RIC1: variants seen among roughly 807,000 people sequenced by gnomAD.
RIC1 encodes RIC1 partner of RAB6A GEF complex.
In RIC1, 88 loss-of-function variants were observed where a neutral mutation model predicts 169.0. That is an observed-to-expected ratio of 0.52 (90% CI 0.44 to 0.62). The LOEUF (loss-of-function observed/expected upper bound fraction) is 0.62. RIC1 is among the 20% of genes least tolerant of loss of function. RIC1 has a pLI of 0.00. For missense variants in RIC1, 1,877 were observed against 1,725.5 expected (o/e 1.09, Z -1.56); for synonymous variants, 790 against 601.5 (o/e 1.31, Z -4.59).
At chr9:5,707,061 T>A (rs1408227367) in intron 3 of RIC1, among the ~76,000 whole-genome samples, 1 of 152,184 alleles carries the variant, frequency 6.6e-6, no homozygotes, top group Non-Finnish European at 1.5e-5. Context: ...GAGGACTTCA[T>A]TCACTGTATC....
intron 6 of RIC1, among the ~76,000 whole-genome samples, chr9:5,723,024 CGT>C (rs1287801964): frequency 1.3e-5 from 2 of 152,164 alleles, no homozygotes; most frequent in African/African-American, 4.8e-5. Flanking sequence ...CATACATGTG[CGT>C]GTGTCTTTAT....
intron 3 of RIC1, among the ~76,000 whole-genome samples, chr9:5,694,848 C>CA (rs1821796690): frequency 1.3e-5 from 2 of 148,244 alleles, no homozygotes; most frequent in Non-Finnish European, 3.0e-5. Flanking sequence ...CTACGTCTTT[C>CA]AAAAAACTCT....
At chr9:5,669,319 G>A (rs1025887373) in intron 2 of RIC1, among the ~76,000 whole-genome samples, 8 of 152,120 alleles carry the variant, frequency 5.3e-5, no homozygotes, top group African/African-American at 1.9e-4. Context: ...AAAGTCCATT[G>A]TATCATTATT....
chr9:5,631,493 C>T (rs938976815), intron 1 of RIC1, among the ~76,000 whole-genome samples: 2 of 152,010 alleles, frequency 1.3e-5, no homozygotes, highest in African/African-American at 4.8e-5. Flanking sequence ...CGAGACCATC[C>T]TGGCCAACAT....
intron 2 of RIC1, among the ~76,000 whole-genome samples, chr9:5,672,772 A>AT (rs1820188134): frequency 6.6e-6 from 1 of 152,200 alleles, no homozygotes; most frequent in South Asian, 2.1e-4. Context: ...AAAAACGTAC[A>AT]TATCTAGAGA....
intron 17 of RIC1, among the ~76,000 whole-genome samples, chr9:5,759,806 A>G: frequency 6.6e-6 from 1 of 152,250 alleles, no homozygotes; most frequent in East Asian, 1.9e-4. Flanking sequence ...GATGGAGCAC[A>G]TAAGGCAAAA....
intron 6 of RIC1, among the ~76,000 whole-genome samples, chr9:5,731,533 T>C (rs1043502240): frequency 2.0e-5 from 3 of 152,148 alleles, no homozygotes; most frequent in African/African-American, 7.2e-5. Context: ...TGCTATATTA[T>C]AGTGTGCCAC....
At chr9:5,651,860 A>C in intron 1 of RIC1, among the ~76,000 whole-genome samples, 1 of 152,018 alleles carries the variant, frequency 6.6e-6, no homozygotes, top group East Asian at 1.9e-4. Context: ...GAGCCACCGC[A>C]CCTAGCCTCT....
chr9:5,653,235 C>G (rs10815256), intron 1 of RIC1, among the ~76,000 whole-genome samples: 44,286 of 151,890 alleles, frequency 0.29, 7,696 homozygotes, highest in East Asian at 0.59. Flanking sequence ...GATCAGTTGG[C>G]ATATATTTGT....
intron 6 of RIC1, among the ~76,000 whole-genome samples, chr9:5,724,031 T>G (rs1196899736): frequency 6.6e-6 from 1 of 152,080 alleles, no homozygotes; most frequent in Admixed American, 6.5e-5. Context: ...AGGATTGTCT[T>G]CGCAATGCAG....
In RIC1 at chr9:5,713,942, T is replaced by A; in HGVS notation, c.379T>A (p.Cys127Ser). The A allele has an allele frequency of 6.2e-7, 1 of 1,613,322 alleles. No individual in the cohort carries two copies. Among genetic ancestry groups the A allele is most frequent in the Non-Finnish European group, 8.5e-7 (1 of 1,179,470 alleles). The change falls in exon 4 of 26, where the codon TGT becomes AGT. Residue 127 changes from cysteine (C) to serine (S), a missense_variant. This residue lies in a region of RIC1 where 1,104 missense variants were observed against 992.0 expected (regional missense o/e 1.11). Coordinates refer to ENST00000414202, the MANE Select transcript of RIC1 (RefSeq NM_020829.4). ...GACACCCCATTTTAAGGAAGAACAG[T>A]GTGCTCCAGCATTAAATTTGGAGAT... ...KGTPHFKEEQ[C>S]APALNLEMRK...
Position 5,763,971 on chromosome 9 carries a change from A to T in RIC1, c.2841+103A>T. 7.6e-7 allele frequency: 1 copy of T among 1,312,902 alleles called. No homozygotes were observed. Among genetic ancestry groups the T allele is most frequent in the Non-Finnish European group, 1.0e-6 (1 of 958,876 alleles). 81.3% of individuals were successfully genotyped at this position (1,312,902 alleles called of 1,614,324 possible). A position where few individuals can be genotyped will look rare whatever the true frequency, so the allele number is the denominator to read the frequency against. On this transcript the variant is annotated intron_variant, in intron 19 of 25. Transcript: ENST00000414202. This position sits in a 1 kb window ranked among gnomAD's most constrained non-coding sequence, Gnocchi z 5.2. ...CCATGATTGTGTTTAAGGAATTCATAGTCAAATTTTCTGTTTATATCTTTA... is the reference window on the plus strand; with the variant it reads ...CCATGATTGTGTTTAAGGAATTCATTGTCAAATTTTCTGTTTATATCTTTA...
chr9:5,777,684 AAG>A (rs1245937017), downstream of RIC1, among the ~76,000 whole-genome samples: 1 of 152,162 alleles, frequency 6.6e-6, no homozygotes, highest in Non-Finnish European at 1.5e-5. Flanking sequence ...TATGATATGA[AAG>A]AGAGATCTGA....
At chr9:5,639,843 T>G (rs1246577787) in intron 1 of RIC1, among the ~76,000 whole-genome samples, 1 of 152,242 alleles carries the variant, frequency 6.6e-6, no homozygotes. Context: ...ATTCTTTGTC[T>G]CACAATTTTT....
At chr9:5,691,541 C>G (rs1283622950) in intron 3 of RIC1, among the ~76,000 whole-genome samples, 1 of 151,754 alleles carries the variant, frequency 6.6e-6, no homozygotes, top group African/African-American at 2.4e-5. Context: ...ATTTTTGACA[C>G]ATAAATATAG....
At chr9:5,698,728 C>T (rs1415076531) in intron 3 of RIC1, among the ~76,000 whole-genome samples, 1 of 152,132 alleles carries the variant, frequency 6.6e-6, no homozygotes, top group African/African-American at 2.4e-5. Flanking sequence ...GCTTTCTGTG[C>T]TGTGTGTCTA....
chr9:5,680,980 C>T (rs967882294), intron 2 of RIC1, among the ~76,000 whole-genome samples: 17 of 150,458 alleles, frequency 1.1e-4, no homozygotes, highest in Admixed American at 3.3e-4. Flanking sequence ...GCGCCCGCTA[C>T]CACGCCCGGC....
At chr9:5,646,607 G>C (rs1397292724) in intron 1 of RIC1, among the ~76,000 whole-genome samples, 1 of 152,108 alleles carries the variant, frequency 6.6e-6, no homozygotes, top group East Asian at 1.9e-4. Flanking sequence ...ATACCTTATA[G>C]CCAAGGTGTG....
chr9:5,723,903 G>A (rs534190632), intron 6 of RIC1, among the ~76,000 whole-genome samples: 1 of 152,174 alleles, frequency 6.6e-6, no homozygotes, highest in African/African-American at 2.4e-5. Context: ...GCTCTGTTCT[G>A]TTCCATTGGT....
Sources: allele counts gnomAD v4.1 joint callset (sites outside exome capture counted in the v4.1 genomes callset), GRCh38; gene constraint gnomAD v4.1.1; regional missense constraint gnomAD v4.1.1; non-coding constraint Gnocchi (gnomAD v3.1); transcripts MANE v1.5; gene names NCBI Gene and HGNC (gene_info 2026-07-23, HGNC 2026-07-21).